Variants in HDAC9 observed in about 807,000 individuals in gnomAD.
HDAC9 encodes the protein MEF-2 interacting transcription repressor (MITR) protein.
Under a neutral mutation model 139.4 loss-of-function variants are expected in HDAC9, and 41 were observed. The ratio of observed to expected loss-of-function variants is 0.29; its 90% CI spans 0.23 to 0.38. The LOEUF is 0.38. Among genes scored for constraint, HDAC9 ranks in the 10% least tolerant of loss-of-function variants. The pLI is 1.00. For synonymous variants in HDAC9, 517 were observed against 476.2 expected (o/e 1.09, Z -1.12); for missense variants, 1,147 against 1,297.0 (o/e 0.88, Z 1.78).
intron 12 of HDAC9, chr7:18,667,887 G>A (rs1795269378): frequency 2.0e-6 from 2 of 983,096 alleles, no homozygotes; most frequent in Non-Finnish European, 2.4e-6. Context: ...TGTTAAGCTA[G>A]TTAAAGGTTC....
At chr7:18,437,474 A>T (rs1017350736) in intron 1 of HDAC9, among the ~76,000 whole-genome samples, 1 of 151,734 alleles carries the variant, frequency 6.6e-6, no homozygotes, top group Non-Finnish European at 1.5e-5. Context: ...TACACTTCAG[A>T]AGTCATAAGG....
chr7:18,172,499 A>C (rs1394485939), intron 2 of HDAC9, among the ~76,000 whole-genome samples: 8 of 151,744 alleles, frequency 5.3e-5, no homozygotes, highest in Admixed American at 5.2e-4. Context: ...CTACCTTTTC[A>C]ATTTGTTTGC....
At chr7:18,667,998 T>G (rs958777155) in intron 12 of HDAC9, 15 of 974,216 alleles carry the variant, frequency 1.5e-5, no homozygotes, top group Middle Eastern at 5.3e-4. Flanking sequence ...CCGAGGTATT[T>G]CAAGGTGTAG....
At chr7:18,968,316 A>ATTAG (rs1247410211) in intron 24 of HDAC9, among the ~76,000 whole-genome samples, 1 of 152,224 alleles carries the variant, frequency 6.6e-6, no homozygotes, top group South Asian at 2.1e-4. Flanking sequence ...TATTTTTCCA[A>ATTAG]TTAGTTAGAA....
chr7:18,639,707 G>A (rs370913657), intron 8 of HDAC9, among the ~76,000 whole-genome samples: 3 of 151,914 alleles, frequency 2.0e-5, no homozygotes, highest in African/African-American at 7.3e-5. Context: ...TTTTTAAAAC[G>A]TGGCTATGTT....
chr7:18,824,875 A>C (rs1795293753), intron 17 of HDAC9, among the ~76,000 whole-genome samples: 1 of 152,230 alleles, frequency 6.6e-6, no homozygotes, highest in Non-Finnish European at 1.5e-5. Flanking sequence ...ATATTCAATG[A>C]ATGCATTCAG....
intron 1 of HDAC9, among the ~76,000 whole-genome samples, chr7:18,355,344 G>C (rs1199937158): frequency 6.6e-6 from 1 of 151,972 alleles, no homozygotes; most frequent in African/African-American, 2.4e-5. Context: ...TGGGTTCTTG[G>C]GAATCTTCAT....
chr7:18,814,911 T>C (rs1161225374), intron 17 of HDAC9, among the ~76,000 whole-genome samples: 1 of 152,246 alleles, frequency 6.6e-6, no homozygotes, highest in Non-Finnish European at 1.5e-5. Flanking sequence ...AGTTACTCTT[T>C]AAATTTTTGA....
rs544065975 is a variant in HDAC9 at position 18,575,522 on chromosome 7, G to C, written c.23-9759G>C. ...GAATGGGTAAGTTTTATTTTCCTCAGTGTTCACTTACTCCATGTTGTCACG... is the reference window on the plus strand; with the variant it reads ...GAATGGGTAAGTTTTATTTTCCTCACTGTTCACTTACTCCATGTTGTCACG... On this transcript the variant is annotated intron_variant, in intron 2 of 25. Coordinates refer to ENST00000686413, the MANE Select transcript of HDAC9 (RefSeq NM_178425.4). Among the ~76,000 whole-genome samples the C allele has an allele frequency of 1.9e-4, 29 of 152,276 alleles. 1 individual carries two copies. The South Asian group carries it at 6.0e-3, about 32-fold the overall frequency.
chr7:18,439,866 T>C (rs1196625681), intron 1 of HDAC9, among the ~76,000 whole-genome samples: 1 of 152,150 alleles, frequency 6.6e-6, no homozygotes, highest in Non-Finnish European at 1.5e-5. Context: ...ATGTAAAATG[T>C]ATTTCTATTA....
At chr7:18,087,350 G>C (rs1352252350) in intron 1 of HDAC9, 1 of 152,152 alleles carries the variant, frequency 6.6e-6, no homozygotes, top group African/African-American at 2.4e-5. Context: ...TCCGGACTCT[G>C]ATGCCACTTG....
At chr7:18,610,680 G>T (rs937196937) in intron 6 of HDAC9, among the ~76,000 whole-genome samples, 2 of 152,112 alleles carry the variant, frequency 1.3e-5, no homozygotes, top group African/African-American at 2.4e-5. Flanking sequence ...TCACTAATGC[G>T]CTTGGCCTTT....
Position 18,521,992 on chromosome 7 carries a change from T to C in HDAC9, c.22+25668T>C, listed in dbSNP as rs561407335. On this transcript the variant is annotated intron_variant, in intron 2 of 25. Transcript: ENST00000686413. ...TATTGAAATATTGTGTCTTCTGTTATCATTCTTGAGAAATGGTGGTGAGAC... is the reference window on the plus strand; with the variant it reads ...TATTGAAATATTGTGTCTTCTGTTACCATTCTTGAGAAATGGTGGTGAGAC... 3.3e-5 allele frequency among the ~76,000 whole-genome samples: 5 copies of C among 152,304 alleles called. No individual in the cohort carries two copies. In the South Asian group the frequency reaches 8.3e-4, roughly 25 times the overall value.
intron 2 of HDAC9, among the ~76,000 whole-genome samples, chr7:18,540,273 C>CAAA (rs967501382): frequency 4.6e-5 from 2 of 43,184 alleles, no homozygotes; most frequent in African/African-American, 8.5e-5. Flanking sequence ...AACTCCATCT[C>CAAA]AAAAAAAAAA....
chr7:18,705,029 G>T (rs1368821825), intron 12 of HDAC9, among the ~76,000 whole-genome samples: 1 of 152,126 alleles, frequency 6.6e-6, no homozygotes, highest in African/African-American at 2.4e-5. Context: ...AAAGAGACAA[G>T]TAAAATTATT....
chr7:18,570,400 T>G (rs1823886940), intron 2 of HDAC9, among the ~76,000 whole-genome samples: 1 of 152,222 alleles, frequency 6.6e-6, no homozygotes, highest in Non-Finnish European at 1.5e-5. Flanking sequence ...CACATATCTC[T>G]GTGGAATATA....
At chr7:18,522,279 C>T (rs1159978825) in intron 2 of HDAC9, among the ~76,000 whole-genome samples, 2 of 152,024 alleles carry the variant, frequency 1.3e-5, no homozygotes, top group African/African-American at 2.4e-5. Context: ...AAAGACTAAA[C>T]CAAAAGATAC....
chr7:18,450,970 T>C (rs1358638736), intron 1 of HDAC9, among the ~76,000 whole-genome samples: 1 of 152,218 alleles, frequency 6.6e-6, no homozygotes, highest in Non-Finnish European at 1.5e-5. Flanking sequence ...TGTTCACATA[T>C]AGGTTATGTA....
At chr7:18,537,526 C>CTT (rs566494381) in intron 2 of HDAC9, among the ~76,000 whole-genome samples, 1 of 147,438 alleles carries the variant, frequency 6.8e-6, no homozygotes, top group African/African-American at 2.5e-5. Context: ...AAAGCAGAAA[C>CTT]TTTTTTTTTT....
Sources: gnomAD v4.1 joint callset for allele counts (sites outside exome capture counted in the v4.1 genomes callset) on GRCh38, gnomAD v4.1.1 for gene constraint, MANE v1.5 for transcripts, NCBI Gene and HGNC (gene_info 2026-07-23, HGNC 2026-07-21) for gene names.